The following ULK4 variants were observed in gnomAD, a reference collection of about 807,000 sequenced individuals.
ULK4 encodes the protein inactive serine/threonine-protein kinase ULK4.
Under a neutral mutation model 160.6 loss-of-function variants are expected in ULK4, and 133 were observed. The ratio of observed to expected loss-of-function variants is 0.83; its 90% CI spans 0.72 to 0.96. The LOEUF (loss-of-function observed/expected upper bound fraction) is 0.96, where lower values mean the gene tolerates loss of function less well. Among genes scored for constraint, ULK4 ranks in the 40% least tolerant of loss-of-function variants. The probability of loss-of-function intolerance (pLI) is 0.00; values close to 1 mark genes in which losing one functional copy is unlikely to be tolerated. For missense variants in ULK4, 1,580 were observed against 1,499.5 expected (o/e 1.05, Z -0.89); for synonymous variants, 534 against 539.8 (o/e 0.99, Z 0.15).
chr3:41,825,750 G>A (rs2041323513), intron 18 of ULK4, among the ~76,000 whole-genome samples: 1 of 152,078 alleles, frequency 6.6e-6, no homozygotes, highest in Admixed American at 6.5e-5. Flanking sequence ...ATATTATCCA[G>A]GAGAATTTCC....
intron 25 of ULK4, among the ~76,000 whole-genome samples, chr3:41,713,590 C>T (rs2037172337): frequency 6.6e-6 from 1 of 152,128 alleles, no homozygotes; most frequent in African/African-American, 2.4e-5. Context: ...CCTAAACTTC[C>T]TCTAATTGGG....
chr3:41,773,898 A>T (rs1041895648), intron 21 of ULK4, among the ~76,000 whole-genome samples: 3 of 152,178 alleles, frequency 2.0e-5, no homozygotes, highest in Non-Finnish European at 4.4e-5. Context: ...AACAGAACAG[A>T]GCCCTCAGAA....
In ULK4 at chr3:41,721,493, G is replaced by A. The variant is rs1455746449; in HGVS notation, c.2322-3632C>T. ...AGTGATTCTCCTGCCTCAGCCTCCA[G>A]GGAAGCTGAGATTACAGGCACCTGC... On this transcript the variant is annotated intron_variant, in intron 22 of 36. Coordinates refer to ENST00000301831, the MANE Select transcript of ULK4 (RefSeq NM_017886.4). Among the ~76,000 whole-genome samples the A allele has an allele frequency of 2.7e-5, 4 of 149,174 alleles. 1 individual carries two copies. Among genetic ancestry groups the A allele is most frequent in the Non-Finnish European group, 5.9e-5 (4 of 67,340 alleles).
At chr3:41,488,856 C>T (rs7613493) in intron 32 of ULK4, among the ~76,000 whole-genome samples, 137,080 of 152,142 alleles carry the variant, frequency 0.9, 62,190 homozygotes, top group Middle Eastern at 0.96. Flanking sequence ...TGGGATGACT[C>T]TGGCACAGGG....
At chr3:41,717,569 TA>T (rs2037312407) in intron 23 of ULK4, among the ~76,000 whole-genome samples, 158 bp downstream of exon 23, 1 of 152,210 alleles carries the variant, frequency 6.6e-6, no homozygotes. Flanking sequence ...CAAAAACAGA[TA>T]AAGCAAATTT....
At chr3:41,745,308 T>TA (rs1391033723) in intron 22 of ULK4, among the ~76,000 whole-genome samples, 1 of 151,534 alleles carries the variant, frequency 6.6e-6, no homozygotes, top group Non-Finnish European at 1.5e-5. Context: ...ACATCATCTA[T>TA]ATCAGGAATG....
intron 32 of ULK4, among the ~76,000 whole-genome samples, chr3:41,503,693 CGTAT>C (rs1187589425): frequency 6.6e-6 from 1 of 152,036 alleles, no homozygotes; most frequent in Non-Finnish European, 1.5e-5. Context: ...AAGTAGAACA[CGTAT>C]GTAATTAGCA....
chr3:41,718,537 C>G (rs2037346551), intron 22 of ULK4, among the ~76,000 whole-genome samples: 2 of 152,264 alleles, frequency 1.3e-5, no homozygotes, highest in South Asian at 4.1e-4. Flanking sequence ...TAGGTCCTCT[C>G]CACATTTTCT....
chr3:41,935,607 C>T (rs1175332301), intron 4 of ULK4, among the ~76,000 whole-genome samples, 194 bp downstream of exon 4: 3 of 151,862 alleles, frequency 2.0e-5, no homozygotes, highest in East Asian at 1.9e-4. Context: ...GTGATCCGCC[C>T]GCCTCAGCCT....
chr3:41,384,571 C>A (rs2081755962), intron 35 of ULK4, among the ~76,000 whole-genome samples: 1 of 152,002 alleles, frequency 6.6e-6, no homozygotes, highest in Non-Finnish European at 1.5e-5. Flanking sequence ...GGTGGTATGG[C>A]TTGTAGAGTC....
chr3:41,342,532 T>A (rs543322486), intron 35 of ULK4, among the ~76,000 whole-genome samples: 1 of 152,124 alleles, frequency 6.6e-6, no homozygotes, highest in African/African-American at 2.4e-5. Flanking sequence ...TTGTAATAAA[T>A]AGCCTACCAA....
At chr3:41,871,210 A>C (rs527954759) in intron 17 of ULK4, among the ~76,000 whole-genome samples, 29 of 152,206 alleles carry the variant, frequency 1.9e-4, no homozygotes, top group Non-Finnish European at 3.7e-4. Context: ...CTGTAATTTC[A>C]AGAATGGTAT....
intron 19 of ULK4, among the ~76,000 whole-genome samples, chr3:41,803,814 C>A (rs2040549027): frequency 6.6e-6 from 1 of 152,162 alleles, no homozygotes; most frequent in Admixed American, 6.5e-5. Context: ...AGGACATGAA[C>A]TCATCATTTT....
Position 41,953,690 on chromosome 3 carries a change from G to A in ULK4, c.138+932C>T, listed in dbSNP as rs186377975. The stretch of plus-strand genomic sequence containing the variant: ...TCCTTCCTTGACAGTAAATTGCAGA[G>A]GTTGGGGGAACCTGCTTGTTTCCTA... On this transcript the variant is annotated intron_variant, in intron 2 of 36. Coordinates refer to ENST00000301831, the MANE Select transcript of ULK4 (RefSeq NM_017886.4). Among the ~76,000 whole-genome samples the A allele has an allele frequency of 7.2e-5, 11 of 152,170 alleles. No individual in the cohort carries two copies. The East Asian group carries it at 2.1e-3, about 29-fold the overall frequency.
rs537219052 is a variant in ULK4, at chr3:41,916,895, AC to A, written c.728-844del. Among the ~76,000 whole-genome samples, 318 of 151,808 alleles carry A rather than the reference AC, an allele frequency of 2.1e-3. 1 individual carries two copies. The highest frequency in any genetic ancestry group is 3.7e-3 in the Non-Finnish European group (249 of 67,912). On this transcript the variant is annotated intron_variant, in intron 7 of 36. Transcript: ENST00000301831. ...GCTAATTTTTTTGTATTTAGTAGAGACAGGGTTTCACCATGATAGTCAGGCT... is the reference window on the plus strand; with the variant it reads ...GCTAATTTTTTTGTATTTAGTAGAGAAGGGTTTCACCATGATAGTCAGGCT...
chr3:41,413,191 A>AG (rs768890705), intron 34 of ULK4, among the ~76,000 whole-genome samples: 11 of 152,158 alleles, frequency 7.2e-5, no homozygotes, highest in Non-Finnish European at 1.5e-4. Flanking sequence ...ACTTACTACC[A>AG]GGGGAACAGT....
chr3:41,404,226 AT>A (rs60508995), intron 34 of ULK4, among the ~76,000 whole-genome samples: 64,516 of 131,658 alleles, frequency 0.49, 14,525 homozygotes, highest in South Asian at 0.53. Context: ...TAGCTCTATC[AT>A]TTTTTTTTTT....
intron 31 of ULK4, among the ~76,000 whole-genome samples, 192 bp downstream of exon 31, chr3:41,615,477 T>C (rs2032914422): frequency 6.6e-6 from 1 of 152,232 alleles, no homozygotes. Flanking sequence ...CCAGTAGCCC[T>C]ACATTAATTT....
intron 22 of ULK4, among the ~76,000 whole-genome samples, chr3:41,735,768 T>C (rs1267591070): frequency 2.0e-5 from 3 of 151,268 alleles, no homozygotes; most frequent in African/African-American, 7.3e-5. Context: ...TACATATGTA[T>C]ACATATGTCA....
Sources: allele counts gnomAD v4.1 joint callset (sites outside exome capture counted in the v4.1 genomes callset), GRCh38; gene constraint gnomAD v4.1.1; transcripts MANE v1.5; gene names NCBI Gene and HGNC (gene_info 2026-07-23, HGNC 2026-07-21).